SGCD: variants seen among roughly 807,000 people sequenced by gnomAD.
SGCD encodes the protein sarcoglycan delta, also known as delta-sarcoglycan.
SGCD carries 18 observed loss-of-function variants against 36.6 expected under a neutral mutation model. The observed-to-expected ratio is 0.49, with a 90% CI of 0.34 to 0.73. The LOEUF is 0.73. Among genes scored for constraint, SGCD ranks in the 30% least tolerant of loss-of-function variants. The pLI, the probability that SGCD is intolerant of heterozygous loss-of-function variation, is 0.01. For synonymous variants in SGCD, 133 were observed against 130.6 expected (o/e 1.02, Z -0.12); for missense variants, 387 against 346.7 (o/e 1.12, Z -0.92).
rs370920916 is a variant in SGCD at position 156,298,186 on chromosome 5, T to G, written c.-43-31348T>G. 4.7e-4 allele frequency among the ~76,000 whole-genome samples: 71 copies of G among 152,330 alleles called. No individual in the cohort carries two copies. In the South Asian group the frequency reaches 0.012, roughly 26 times the overall value. ...TTCTCTTTATCCATTCATCTGTTGA[T>G]GTACACTTAGGTTGCTTCTAAGGCT... On this transcript the variant is annotated intron_variant, in intron 3 of 9. Transcript: ENST00000517913.
intron 3 of SGCD, among the ~76,000 whole-genome samples, chr5:156,406,036 G>GAAAAAAAAAAAAAAAAAAAAAAAAAAT (rs79259925): frequency 1.4e-4 from 19 of 136,590 alleles, no homozygotes; most frequent in South Asian, 2.4e-4. Flanking sequence ...AAAAAAAAAG[G>GAAAAAAAAAAAAAAAAAAAAAAAAAAT]CCTCTGGGCA....
intron 3 of SGCD, among the ~76,000 whole-genome samples, chr5:156,317,583 G>T (rs372011248): frequency 6.6e-6 from 1 of 152,108 alleles, no homozygotes; most frequent in African/African-American, 2.4e-5. Flanking sequence ...ATTACATAAA[G>T]TATTCACATG....
At chr5:156,516,169 C>T (rs1034429330) in intron 4 of SGCD, among the ~76,000 whole-genome samples, 2 of 152,382 alleles carry the variant, frequency 1.3e-5, no homozygotes, top group South Asian at 4.1e-4. Context: ...AAAGGGCAGC[C>T]AGAGTGCTTC....
At chr5:155,772,571 T>G in the SGCD span, among the ~76,000 whole-genome samples, 2 of 152,144 alleles carry the variant, frequency 1.3e-5, no homozygotes, top group Non-Finnish European at 2.9e-5. Flanking sequence ...AATGACTCCT[T>G]TACTTTAGCT....
chr5:156,686,129 C>T (rs921135301), intron 7 of SGCD, among the ~76,000 whole-genome samples: 1 of 152,170 alleles, frequency 6.6e-6, no homozygotes, highest in East Asian at 1.9e-4. Context: ...CACTTTACAT[C>T]TATTTAATCT....
intron 4 of SGCD, among the ~76,000 whole-genome samples, chr5:156,588,013 T>C (rs1760564762): frequency 6.6e-6 from 1 of 151,602 alleles, no homozygotes; most frequent in Non-Finnish European, 1.5e-5. Context: ...AGCATTGAGC[T>C]ATTATTGAAT....
At chr5:156,359,249 G>A (rs1364038084) in intron 3 of SGCD, among the ~76,000 whole-genome samples, 3 of 152,136 alleles carry the variant, frequency 2.0e-5, no homozygotes, top group Admixed American at 6.5e-5. Flanking sequence ...TTTATAACAA[G>A]TCTTTTGCTT....
the SGCD span, among the ~76,000 whole-genome samples, chr5:155,754,477 A>G: frequency 6.6e-6 from 1 of 152,202 alleles, no homozygotes; most frequent in Non-Finnish European, 1.5e-5. Context: ...ACAAAGGGAG[A>G]AGGTCTCCTG....
At chr5:156,382,407 C>T (rs1049397232) in intron 3 of SGCD, among the ~76,000 whole-genome samples, 2 of 152,138 alleles carry the variant, frequency 1.3e-5, no homozygotes, top group Non-Finnish European at 2.9e-5. Context: ...AGCATAAGCG[C>T]CCAGAAAATG....
intron 3 of SGCD, among the ~76,000 whole-genome samples, chr5:156,174,995 C>G (rs1763431602): frequency 1.3e-5 from 2 of 152,048 alleles, no homozygotes; most frequent in Admixed American, 1.3e-4. Context: ...TAAGCAAGAA[C>G]AGTAAACTTA....
At chr5:156,374,377 A>G (rs1770547782) in intron 3 of SGCD, among the ~76,000 whole-genome samples, 1 of 152,182 alleles carries the variant, frequency 6.6e-6, no homozygotes, top group East Asian at 1.9e-4. Flanking sequence ...GCATAACGCA[A>G]AAGTAATCTG....
chr5:156,232,177 T>C (rs1464271239), intron 3 of SGCD, among the ~76,000 whole-genome samples: 2 of 152,214 alleles, frequency 1.3e-5, no homozygotes, highest in African/African-American at 4.8e-5. Context: ...AAAACCTCCA[T>C]AGGCCTCCAT....
intron 1 of SGCD, among the ~76,000 whole-genome samples, chr5:155,918,553 G>T (rs1756805270): frequency 6.6e-6 from 1 of 152,138 alleles, no homozygotes; most frequent in East Asian, 1.9e-4. Context: ...ACAGGGTGAG[G>T]CTCCATCTCA....
chr5:155,792,028 C>A, the SGCD span, among the ~76,000 whole-genome samples: 1 of 152,002 alleles, frequency 6.6e-6, no homozygotes, highest in Non-Finnish European at 1.5e-5. Flanking sequence ...CTATAATAAC[C>A]AAAACAACAT....
At chr5:155,836,238 T>G in the SGCD span, among the ~76,000 whole-genome samples, 1 of 152,184 alleles carries the variant, frequency 6.6e-6, no homozygotes, top group Non-Finnish European at 1.5e-5. Context: ...TGCTAGGATG[T>G]ACATCATTCC....
intron 4 of SGCD, among the ~76,000 whole-genome samples, chr5:156,578,058 A>C (rs1350398159): frequency 2.0e-5 from 3 of 152,142 alleles, no homozygotes; most frequent in Non-Finnish European, 2.9e-5. Flanking sequence ...GTTTGTCATA[A>C]ATAGCTCTTA....
At chr5:155,750,543 C>T in the SGCD span, among the ~76,000 whole-genome samples, 7 of 152,282 alleles carry the variant, frequency 4.6e-5, no homozygotes, top group African/African-American at 1.7e-4. Context: ...ATATGAAGAA[C>T]CAGATTTCTC....
At chr5:155,927,372 TA>T in intron 1 of SGCD, among the ~76,000 whole-genome samples, 1 of 152,156 alleles carries the variant, frequency 6.6e-6, no homozygotes, top group South Asian at 2.1e-4. Context: ...AACTGGAAAA[TA>T]TCTGTAGTTG....
Position 156,166,803 on chromosome 5 carries a change from A to G in SGCD, c.-44+42784A>G, listed in dbSNP as rs151127457. On this transcript the variant is annotated intron_variant, in intron 3 of 9. Coordinates refer to the SGCD transcript ENST00000517913. ...CCCACACATTACTCAAACACTTTCC[A>G]CTGAAAAAGCAACTCAGTCACATCT... is the stretch of plus-strand genomic sequence containing the variant. Among the ~76,000 whole-genome samples the G allele has an allele frequency of 1.7e-4, 26 of 152,286 alleles. No homozygotes were observed. The East Asian group carries it at 4.8e-3, about 28-fold the overall frequency.
Sources: allele counts gnomAD v4.1 joint callset (sites outside exome capture counted in the v4.1 genomes callset), GRCh38; gene constraint gnomAD v4.1.1; transcripts MANE v1.5; gene names NCBI Gene and HGNC (gene_info 2026-07-23, HGNC 2026-07-21).